CERKL: variants seen among roughly 807,000 people sequenced by gnomAD.
The protein encoded by CERKL is CERK like autophagy regulator.
CERKL carries 61 observed loss-of-function variants against 63.4 expected under a neutral mutation model. The observed-to-expected ratio is 0.96, with a 90% CI of 0.78 to 1.19. CERKL has a LOEUF of 1.19. Ranked by LOEUF, CERKL falls within the 50% of genes most tolerant of loss-of-function variation. CERKL has a pLI of 0.00. For missense variants in CERKL, 675 were observed against 655.5 expected (o/e 1.03, Z -0.33); for synonymous variants, 250 against 230.5 (o/e 1.08, Z -0.77).
intron 10 of CERKL, among the ~76,000 whole-genome samples, chr2:181,546,653 T>G (rs1323212783): frequency 1.4e-4 from 22 of 152,106 alleles, no homozygotes; most frequent in Non-Finnish European, 1.2e-4. Flanking sequence ...TCTCCTACAC[T>G]CTACAGGATT....
chr2:181,652,092 G>A (rs771545640), intron 1 of CERKL, among the ~76,000 whole-genome samples: 3 of 151,852 alleles, frequency 2.0e-5, no homozygotes, highest in Admixed American at 6.6e-5. Context: ...AGTGATCTAT[G>A]GATTTAATGC....
rs1559100360 is a variant in CERKL, at chr2:181,604,043, A to AGACAGAG, written c.274_275insCTCTGTC (p.Phe92SerfsTer5). ...AGAGAATATGTCTTTGAGTTCAATA[A>AGACAGAG]ATTCTTCTTTACATAGCAAGTCATA... On this transcript the variant is annotated frameshift_variant, in exon 2 of 13. Transcript: ENST00000410087. LOFTEE classifies it high-confidence loss of function. 3.1e-6 allele frequency: 5 copies of AGACAGAG among 1,606,998 alleles called. No homozygotes were observed. The highest frequency in any genetic ancestry group is 3.4e-6 in the Non-Finnish European group (4 of 1,174,270).
chr2:181,604,296 C>T (rs975575712), intron 1 of CERKL, among the ~76,000 whole-genome samples: 4 of 151,904 alleles, frequency 2.6e-5, no homozygotes, highest in African/African-American at 9.7e-5. Context: ...ACGTGTACCC[C>T]AGAACCTAAA....
At chr2:181,653,071 C>T (rs1688007673) in intron 1 of CERKL, among the ~76,000 whole-genome samples, 1 of 152,134 alleles carries the variant, frequency 6.6e-6, no homozygotes, top group African/African-American at 2.4e-5. Flanking sequence ...CTGTGCCTGG[C>T]CAACTTGATT....
At chr2:181,609,514 G>A (rs937045003) in intron 1 of CERKL, among the ~76,000 whole-genome samples, 6 of 111,086 alleles carry the variant, frequency 5.4e-5, no homozygotes, top group African/African-American at 2.0e-4. Flanking sequence ...TGGCCACCAT[G>A]GTGAAACCCT....
intron 1 of CERKL, chr2:181,617,178 T>C (rs577906945): frequency 6.6e-6 from 1 of 152,348 alleles, no homozygotes; most frequent in Admixed American, 6.5e-5. Flanking sequence ...GCAATAACAC[T>C]TATTTTTAAA....
At chr2:181,636,160 A>T (rs1559117565) in intron 1 of CERKL, among the ~76,000 whole-genome samples, 1 of 152,164 alleles carries the variant, frequency 6.6e-6, no homozygotes, top group Non-Finnish European at 1.5e-5. Flanking sequence ...AGCACATTTG[A>T]TGCTAAGATT....
At chr2:181,639,435 T>A (rs1687324900) in intron 1 of CERKL, among the ~76,000 whole-genome samples, 1 of 152,272 alleles carries the variant, frequency 6.6e-6, no homozygotes, top group East Asian at 1.9e-4. Context: ...ATAAAAAAAA[T>A]TAGATTTAAA....
chr2:181,546,089 G>T (rs923626800), intron 10 of CERKL, among the ~76,000 whole-genome samples: 2 of 152,076 alleles, frequency 1.3e-5, no homozygotes, highest in African/African-American at 2.4e-5. Context: ...GGTCAAATGA[G>T]TCTTGATCAA....
At chr2:181,575,132 C>T (rs140431168) in intron 2 of CERKL, among the ~76,000 whole-genome samples, 1 of 152,320 alleles carries the variant, frequency 6.6e-6, no homozygotes, top group Non-Finnish European at 1.5e-5. Flanking sequence ...CCTTCTCCCA[C>T]TGATGTCCTC....
chr2:181,655,226 T>C (rs74537492), intron 1 of CERKL, among the ~76,000 whole-genome samples: 2,218 of 152,358 alleles, frequency 0.015, 61 homozygotes, highest in African/African-American at 0.05. Flanking sequence ...AAACCTATTT[T>C]ACCTTAATCA....
intron 11 of CERKL, among the ~76,000 whole-genome samples, chr2:181,540,322 ATCAT>A (rs1300949919): frequency 2.0e-5 from 3 of 152,222 alleles, no homozygotes; most frequent in African/African-American, 7.2e-5. Context: ...TATCTACATA[ATCAT>A]TCATGTTAGT....
chr2:181,539,589 C>T (rs1463493006), intron 11 of CERKL, among the ~76,000 whole-genome samples: 1 of 152,120 alleles, frequency 6.6e-6, no homozygotes, highest in Non-Finnish European at 1.5e-5. Context: ...ATACAGAAGA[C>T]ATATAATCCA....
chr2:181,635,121 T>C (rs78349487), intron 1 of CERKL, among the ~76,000 whole-genome samples: 7,121 of 152,242 alleles, frequency 0.047, 528 homozygotes, highest in African/African-American at 0.16. Flanking sequence ...GAACTGGATG[T>C]AAGATGAGTC....
In CERKL at chr2:181,561,296, G is replaced by A. The variant is rs572906532; in HGVS notation, c.678-2588C>T. ...ATGGTGGTGCATGCCTGTAATCCCA[G>A]CTACTCAGGAGGCTGGGGCAGGAGA... On this transcript the variant is annotated intron_variant, in intron 4 of 12. Transcript: ENST00000410087. 7.2e-5 allele frequency among the ~76,000 whole-genome samples: 11 copies of A among 152,026 alleles called. No homozygotes were observed. In the East Asian group the frequency reaches 9.7e-4, roughly 13 times the overall value.
At chr2:181,634,728 T>C (rs1687102649) in intron 1 of CERKL, among the ~76,000 whole-genome samples, 1 of 152,160 alleles carries the variant, frequency 6.6e-6, no homozygotes, top group Non-Finnish European at 1.5e-5. Flanking sequence ...ACATACTTGG[T>C]TAGTTTAAGA....
At position 181,539,208 on chromosome 2, in the gene CERKL, C is replaced by T. The variant is rs745981932; in HGVS notation, c.1422G>A (p.Arg474=). Reference sequence around the variant, plus strand: ...CTGGATTATATCCACCAGTATTATTCCTTGGATGAACTTTTACTTCCTCAA... The same window carrying T: ...CTGGATTATATCCACCAGTATTATTTCTTGGATGAACTTTTACTTCCTCAA... ...YTVEEVKVHP[R]NNTGGYNPEE... Residue 474 remains arginine, a synonymous_variant, in exon 12 of 13, where the codon AGG becomes AGA. Transcript: ENST00000410087. The T allele has an allele frequency of 6.9e-6, 11 of 1,605,720 alleles. No individual in the cohort carries two copies. In the South Asian group the frequency reaches 1.2e-4, roughly 18 times the overall value.
intron 1 of CERKL, among the ~76,000 whole-genome samples, chr2:181,611,124 G>A (rs111599512): frequency 2.3e-3 from 343 of 152,168 alleles, no homozygotes; most frequent in African/African-American, 7.6e-3. Flanking sequence ...TCAGGAGGTG[G>A]AGGCAGGAGA....
rs760717671 is a variant in CERKL, at chr2:181,538,278, TTTG to T, written c.1539-37_1539-35del. The T allele has an allele frequency of 3.6e-6, 5 of 1,372,520 alleles. No homozygotes were observed. The African/African-American group carries it at 4.3e-5, about 12-fold the overall frequency. 85.0% of individuals were successfully genotyped at this position (1,372,520 alleles called of 1,614,324 possible). ...AAAATACATTATTTCATCAACTTAT[TTTG>T]TTGTTTTTCACATACACCTAATAAG... On this transcript the variant is annotated intron_variant, in intron 12 of 12. Transcript: ENST00000410087.
Sources: allele counts gnomAD v4.1 joint callset (sites outside exome capture counted in the v4.1 genomes callset), GRCh38; gene constraint gnomAD v4.1.1; transcripts MANE v1.5; gene names NCBI Gene and HGNC (gene_info 2026-07-23, HGNC 2026-07-21).